The following ADAMTS19 variants were observed in gnomAD, a reference collection of about 807,000 sequenced individuals.
ADAMTS19 encodes A disintegrin and metalloproteinase with thrombospondin motifs 19.
Under a neutral mutation model 153.3 loss-of-function variants are expected in ADAMTS19, and 93 were observed. The observed-to-expected ratio is 0.61, with a 90% CI of 0.51 to 0.72. The LOEUF (loss-of-function observed/expected upper bound fraction) is 0.72, where lower values mean the gene tolerates loss of function less well. ADAMTS19 is among the 30% of genes least tolerant of loss of function. The probability of loss-of-function intolerance (pLI) is 0.00; values close to 1 mark genes in which losing one functional copy is unlikely to be tolerated. For missense variants in ADAMTS19, 1,482 were observed against 1,552.1 expected (o/e 0.95, Z 0.76); for synonymous variants, 600 against 556.6 (o/e 1.08, Z -1.10).
At chr5:129,514,121 T>A (rs1751521654) in intron 3 of ADAMTS19, among the ~76,000 whole-genome samples, 1 of 143,972 alleles carries the variant, frequency 6.9e-6, no homozygotes, top group South Asian at 2.2e-4. Context: ...TGACTGTATC[T>A]CATTCTTTTT....
rs1345681 is a variant in ADAMTS19, at chr5:129,723,338, G to T, written c.3313-11594G>T. ...AAAGTCATTCGGCTCTTATTACCTG[G>T]CATAAGAATGGCAGGTAATAATGTA... On this transcript the variant is annotated intron_variant, in intron 21 of 22. Transcript: ENST00000274487. 7.0e-3 allele frequency among the ~76,000 whole-genome samples: 1,060 copies of T among 152,216 alleles called. 16 individuals carry two copies. The highest frequency in any genetic ancestry group is 0.02 in the Middle Eastern group (6 of 294).
intron 10 of ADAMTS19, among the ~76,000 whole-genome samples, chr5:129,629,128 G>C (rs1752179745): frequency 6.6e-6 from 1 of 152,020 alleles, no homozygotes; most frequent in Non-Finnish European, 1.5e-5. Flanking sequence ...CAGCCCTTTT[G>C]TCATTGTATC....
chr5:129,552,035 T>C, intron 7 of ADAMTS19, 128 bp downstream of exon 7: 1 of 575,156 alleles, frequency 1.7e-6, no homozygotes, highest in Non-Finnish European at 3.0e-6. Context: ...ATACATATTT[T>C]CTACCTATAT....
At position 129,485,120 on chromosome 5, in the gene ADAMTS19, A is replaced by T. The variant is rs183122715; in HGVS notation, c.747+23363A>T. Among the ~76,000 whole-genome samples, 14 of 152,310 alleles carry T rather than the reference A, an allele frequency of 9.2e-5. No individual in the cohort carries two copies. In the East Asian group the frequency reaches 2.7e-3, roughly 29 times the overall value. ...ATACTGGGCCATTAAATTAGTCTCA[A>T]CAAACTTGAAATAACTGAAAACACA... On this transcript the variant is annotated intron_variant, in intron 2 of 22. Transcript: ENST00000274487.
At chr5:129,684,500 C>T (rs1242833961) in intron 18 of ADAMTS19, among the ~76,000 whole-genome samples, 1 of 67,534 alleles carries the variant, frequency 1.5e-5, no homozygotes, top group African/African-American at 5.2e-5. Flanking sequence ...CTACTCTTTG[C>T]ATTACATTAC....
chr5:129,612,559 A>T (rs1414918101), intron 8 of ADAMTS19, among the ~76,000 whole-genome samples: 1 of 152,168 alleles, frequency 6.6e-6, no homozygotes, highest in Non-Finnish European at 1.5e-5. Flanking sequence ...GGAAAGGAAC[A>T]GCTGGTACCA....
chr5:129,477,829 C>T (rs566525581), intron 2 of ADAMTS19, among the ~76,000 whole-genome samples: 4 of 152,148 alleles, frequency 2.6e-5, no homozygotes, highest in Non-Finnish European at 5.9e-5. Flanking sequence ...ACATCAGACT[C>T]TATACTGGAA....
rs995022613 is a variant in ADAMTS19 at position 129,658,736 on chromosome 5, A to G, written c.2424A>G (p.Ala808=). The change falls in exon 15 of 23, where the codon GCA becomes GCG. Residue 808 remains alanine, a splice_region_variant and synonymous_variant. Coordinates refer to ENST00000274487, the MANE Select transcript of ADAMTS19 (RefSeq NM_133638.6). ...IKGDFNHTRG[A]GYVEVLVIPA... ...GGGATTTTAATCACACCAGAGGAGC[A>G]GGTAATTTTTCTTTATTTTTTCATA... 7 of 1,599,144 alleles carry G rather than the reference A, an allele frequency of 4.4e-6. No individual in the cohort carries two copies. The African/African-American group carries it at 8.1e-5, about 18-fold the overall frequency.
chr5:129,686,378 G>A (rs969310558), intron 18 of ADAMTS19, among the ~76,000 whole-genome samples: 2 of 152,074 alleles, frequency 1.3e-5, no homozygotes, highest in Non-Finnish European at 2.9e-5. Flanking sequence ...AGGGTCTTGA[G>A]GGGTTAAAGA....
intron 2 of ADAMTS19, among the ~76,000 whole-genome samples, chr5:129,480,039 A>G (rs536005403): frequency 6.6e-6 from 1 of 152,292 alleles, no homozygotes; most frequent in East Asian, 1.9e-4. Flanking sequence ...AACTTACATG[A>G]TCTTATTGAA....
rs765841926 is a variant in ADAMTS19, at chr5:129,460,506, G to T, written c.91+24G>T. 10 of 1,613,722 alleles carry T rather than the reference G, an allele frequency of 6.2e-6. No homozygotes were observed. The South Asian group carries it at 1.1e-4, about 18-fold the overall frequency. ...AGGTAAGTTCTTCCGTGACTTTCTC[G>T]CTTCCTTTCCAGCCATCCCAGCGGA... On this transcript the variant is annotated intron_variant, in intron 1 of 22. Coordinates refer to ENST00000274487, the MANE Select transcript of ADAMTS19 (RefSeq NM_133638.6).
chr5:129,476,366 G>C (rs747274064), intron 2 of ADAMTS19, among the ~76,000 whole-genome samples: 21 of 151,896 alleles, frequency 1.4e-4, no homozygotes, highest in Non-Finnish European at 2.8e-4. Flanking sequence ...GCAGGATTAG[G>C]ACATGAACCC....
At chr5:129,515,220 T>C (rs2126735806) in intron 3 of ADAMTS19, among the ~76,000 whole-genome samples, 1 of 152,192 alleles carries the variant, frequency 6.6e-6, no homozygotes, top group African/African-American at 2.4e-5. Flanking sequence ...AGTCAGGTAA[T>C]TTGATTCCCC....
intron 2 of ADAMTS19, among the ~76,000 whole-genome samples, chr5:129,462,724 C>T (rs1192258028): frequency 6.6e-6 from 1 of 152,118 alleles, no homozygotes; most frequent in East Asian, 1.9e-4. Flanking sequence ...CCACCATGTC[C>T]TTTATGGTTG....
At position 129,461,766 on chromosome 5, in the gene ADAMTS19, C is replaced by T. The variant is rs1749679911; in HGVS notation, c.747+9C>T. 1.3e-6 allele frequency: 2 copies of T among 1,481,748 alleles called. No homozygotes were observed. The highest frequency in any genetic ancestry group is 1.4e-5 in the South Asian group (1 of 72,768). The allele number at this position is 1,481,748 out of a possible 1,614,324, so 91.8% of individuals were successfully genotyped here. A position where few individuals can be genotyped will look rare whatever the true frequency, so the allele number is the denominator to read the frequency against. ...CCTGTGGAGGTGGCCTGGTAAGCGCCTTCTTTCCCTAGCTCTCCATTTTCC... is the reference window on the plus strand; with the variant it reads ...CCTGTGGAGGTGGCCTGGTAAGCGCTTTCTTTCCCTAGCTCTCCATTTTCC... On this transcript the variant is annotated intron_variant, in intron 2 of 22. Coordinates refer to ENST00000274487, the MANE Select transcript of ADAMTS19 (RefSeq NM_133638.6). This position sits in a 1 kb window ranked among gnomAD's most constrained non-coding sequence, Gnocchi z 4.6.
At chr5:129,696,391 AAAG>A (rs1388098472) in intron 19 of ADAMTS19, among the ~76,000 whole-genome samples, 1 of 152,156 alleles carries the variant, frequency 6.6e-6, no homozygotes, top group African/African-American at 2.4e-5. Context: ...CACTCCTGGG[AAAG>A]AAGAGCGAAA....
chr5:129,718,805 G>A (rs1756844606), intron 21 of ADAMTS19, among the ~76,000 whole-genome samples: 3 of 152,082 alleles, frequency 2.0e-5, no homozygotes, highest in Admixed American at 1.3e-4. Context: ...ATTATATCAG[G>A]TTCTATAAGA....
At chr5:129,554,190 C>T (rs1251559173) in intron 7 of ADAMTS19, among the ~76,000 whole-genome samples, 1 of 152,052 alleles carries the variant, frequency 6.6e-6, no homozygotes, top group African/African-American at 2.4e-5. Context: ...ACCAATCCCC[C>T]ATGGATACAA....
At chr5:129,602,100 T>A (rs958435000) in intron 8 of ADAMTS19, among the ~76,000 whole-genome samples, 1 of 152,230 alleles carries the variant, frequency 6.6e-6, no homozygotes, top group East Asian at 1.9e-4. Context: ...AATTTTATTT[T>A]ATTTTTTTTG....
Sources: gnomAD v4.1 joint callset for allele counts (sites outside exome capture counted in the v4.1 genomes callset) on GRCh38, gnomAD v4.1.1 for gene constraint, Gnocchi (gnomAD v3.1) non-coding constraint, MANE v1.5 for transcripts, NCBI Gene and HGNC (gene_info 2026-07-23, HGNC 2026-07-21) for gene names.